Variants in SDK1 observed in about 807,000 individuals in gnomAD.
SDK1 encodes the protein sidekick cell adhesion molecule 1.
A neutral mutation model predicts 245.5 loss-of-function variants in SDK1; 157 were observed. The observed-to-expected ratio is 0.64, with a 90% CI of 0.56 to 0.73. The LOEUF (loss-of-function observed/expected upper bound fraction) is 0.73, where lower values mean the gene tolerates loss of function less well. SDK1 is among the 30% of genes least tolerant of loss of function. SDK1 has a pLI of 0.00. For missense variants in SDK1, 3,583 were observed against 3,002.3 expected (o/e 1.19, Z -4.52); for synonymous variants, 1,647 against 1,278.5 (o/e 1.29, Z -6.15).
intron 4 of SDK1, among the ~76,000 whole-genome samples, chr7:3,728,845 A>G (rs1031764238): frequency 2.0e-5 from 3 of 152,078 alleles, no homozygotes. Flanking sequence ...ACCTCAGGTA[A>G]CCCGCCCACT....
At chr7:3,690,712 G>A (rs146902553) in intron 4 of SDK1, among the ~76,000 whole-genome samples, 155 of 152,146 alleles carry the variant, frequency 1.0e-3, no homozygotes, top group South Asian at 2.7e-3. Flanking sequence ...CTTAACCCCC[G>A]TAACATTATA....
rs563395519 is a variant in SDK1, at chr7:3,881,900, C to T, written c.847+60317C>T. Among the ~76,000 whole-genome samples the T allele has an allele frequency of 7.9e-5, 12 of 152,260 alleles. No homozygotes were observed. The South Asian group carries it at 1.9e-3, about 24-fold the overall frequency. On this transcript the variant is annotated intron_variant, in intron 5 of 44. Coordinates refer to ENST00000404826, the MANE Select transcript of SDK1 (RefSeq NM_152744.4). ...CTACGGAAGCTTGGAGCTCTGTTCCCGGGAGGCTCCTGAATTACCAGCTAT... is the reference window on the plus strand; with the variant it reads ...CTACGGAAGCTTGGAGCTCTGTTCCTGGGAGGCTCCTGAATTACCAGCTAT...
At chr7:3,737,245 C>T (rs963459815) in intron 4 of SDK1, among the ~76,000 whole-genome samples, 1 of 152,198 alleles carries the variant, frequency 6.6e-6, no homozygotes, top group African/African-American at 2.4e-5. Flanking sequence ...GACCGGACTG[C>T]TGTCTGGGCT....
At chr7:3,886,327 G>C (rs1781337952) in intron 5 of SDK1, among the ~76,000 whole-genome samples, 1 of 152,324 alleles carries the variant, frequency 6.6e-6, no homozygotes, top group African/African-American at 2.4e-5. Context: ...AGATAGAGAT[G>C]CCGGACATAG....
chr7:3,366,625 T>C (rs1182195821), intron 1 of SDK1, among the ~76,000 whole-genome samples: 1 of 152,232 alleles, frequency 6.6e-6, no homozygotes, highest in Non-Finnish European at 1.5e-5. Context: ...TATTTACATT[T>C]ATGGGGATAG....
chr7:3,480,720 T>C (rs934518088), intron 1 of SDK1, among the ~76,000 whole-genome samples: 2 of 152,188 alleles, frequency 1.3e-5, no homozygotes, highest in African/African-American at 4.8e-5. Context: ...ATAAACTGTT[T>C]TGGAAAGCCA....
chr7:3,790,287 A>G (rs1018453659), intron 4 of SDK1, among the ~76,000 whole-genome samples: 1 of 152,166 alleles, frequency 6.6e-6, no homozygotes, highest in African/African-American at 2.4e-5. Context: ...AACAGAAATT[A>G]TACTAGGTAT....
chr7:3,324,865 C>T (rs564758676), intron 1 of SDK1, among the ~76,000 whole-genome samples: 259 of 152,166 alleles, frequency 1.7e-3, no homozygotes, highest in Non-Finnish European at 2.9e-3. Context: ...AAGTTTCTTA[C>T]GTTTGAAAGA....
intron 27 of SDK1, chr7:4,130,424 C>T (rs1171726765): frequency 9.1e-6 from 3 of 329,360 alleles, no homozygotes; most frequent in Non-Finnish European, 5.6e-6. Flanking sequence ...GGCAGGGGCT[C>T]CACACACTTC....
At chr7:3,838,318 G>T (rs908733099) in intron 5 of SDK1, among the ~76,000 whole-genome samples, 3 of 152,230 alleles carry the variant, frequency 2.0e-5, no homozygotes, top group Non-Finnish European at 4.4e-5. Context: ...CCTGAGCCAC[G>T]GTTGAGAGAA....
intron 1 of SDK1, among the ~76,000 whole-genome samples, chr7:3,441,571 G>C (rs1006020408): frequency 1.3e-5 from 2 of 152,078 alleles, no homozygotes; most frequent in African/African-American, 4.8e-5. Context: ...TGATACATTT[G>C]TGTCTCTTTG....
intron 1 of SDK1, among the ~76,000 whole-genome samples, chr7:3,436,312 C>T (rs534458892): frequency 3.0e-4 from 45 of 151,920 alleles, no homozygotes; most frequent in South Asian, 6.3e-4. Flanking sequence ...GGGATGATTA[C>T]GAAATAATTG....
intron 1 of SDK1, among the ~76,000 whole-genome samples, chr7:3,573,974 G>C (rs948326890): frequency 6.6e-6 from 1 of 152,070 alleles, no homozygotes; most frequent in African/African-American, 2.4e-5. Context: ...AGGCAGGGCT[G>C]TATTTTACAT....
chr7:3,733,835 G>T (rs1779246206), intron 4 of SDK1, among the ~76,000 whole-genome samples: 1 of 152,184 alleles, frequency 6.6e-6, no homozygotes, highest in South Asian at 2.1e-4. Flanking sequence ...ACTATTGTGA[G>T]AACAAATTGG....
chr7:3,349,239 T>A (rs1056705882), intron 1 of SDK1, among the ~76,000 whole-genome samples: 10 of 152,294 alleles, frequency 6.6e-5, no homozygotes, highest in African/African-American at 2.4e-4. Context: ...AACAGCCTAT[T>A]TAGATGTATA....
chr7:3,772,069 A>G (rs532748960), intron 4 of SDK1, among the ~76,000 whole-genome samples: 71 of 152,282 alleles, frequency 4.7e-4, no homozygotes, highest in African/African-American at 1.6e-3. Context: ...ATTTGTTTGT[A>G]CTGAAGCCTG....
intron 1 of SDK1, among the ~76,000 whole-genome samples, chr7:3,378,877 C>G (rs1654482052): frequency 6.6e-6 from 1 of 151,996 alleles, no homozygotes; most frequent in Non-Finnish European, 1.5e-5. Context: ...CTGCTGTCTT[C>G]CTTGTTAGGA....
intron 32 of SDK1, among the ~76,000 whole-genome samples, chr7:4,164,178 A>T (rs571988496): frequency 2.8e-4 from 43 of 152,292 alleles, no homozygotes; most frequent in African/African-American, 1.0e-3. Flanking sequence ...CAGAGTGGGA[A>T]CCACGAAAAC....
At chr7:3,641,409 C>G (rs1782643337) in intron 3 of SDK1, among the ~76,000 whole-genome samples, 1 of 151,926 alleles carries the variant, frequency 6.6e-6, no homozygotes, top group Non-Finnish European at 1.5e-5. Context: ...GCTAGTTGCC[C>G]CAGATTAAGT....
Sources: gnomAD v4.1 joint callset for allele counts (sites outside exome capture counted in the v4.1 genomes callset) on GRCh38, gnomAD v4.1.1 for gene constraint, MANE v1.5 for transcripts, NCBI Gene and HGNC (gene_info 2026-07-23, HGNC 2026-07-21) for gene names.